LIPG: variants seen among roughly 807,000 people sequenced by gnomAD.
LIPG encodes lipase G, endothelial type.
Under a neutral mutation model 51.8 loss-of-function variants are expected in LIPG, and 34 were observed. The observed-to-expected ratio is 0.66, with a 90% confidence interval of 0.50 to 0.87. The LOEUF (loss-of-function observed/expected upper bound fraction) is 0.87, where lower values mean the gene tolerates loss of function less well. Ranked by LOEUF, LIPG falls within the 40% of genes least tolerant of loss-of-function variation. The probability of loss-of-function intolerance (pLI) is 0.00; values close to 1 mark genes in which losing one functional copy is unlikely to be tolerated. For missense variants in LIPG, 580 were observed against 652.7 expected (o/e 0.89, Z 1.21); for synonymous variants, 246 against 246.1 (o/e 1.00, Z 0.00).
At chr18:49,590,003 G>C (rs1461530352) in intron 9 of LIPG, 4 of 216,452 alleles carry the variant, frequency 1.8e-5, no homozygotes, top group Non-Finnish European at 3.7e-5. Context: ...CTGATAAGGA[G>C]CCTGAGATTC....
At chr18:49,588,838 G>A (rs569507944) in intron 9 of LIPG, among the ~76,000 whole-genome samples, 12 of 152,150 alleles carry the variant, frequency 7.9e-5, no homozygotes, top group Admixed American at 6.5e-4. Flanking sequence ...CATGCCTGTC[G>A]CCACCCTTTG....
intron 4 of LIPG, among the ~76,000 whole-genome samples, chr18:49,571,322 C>A (rs1431171494): frequency 1.3e-5 from 2 of 152,232 alleles, no homozygotes; most frequent in African/African-American, 4.8e-5. Context: ...GTAACGATGA[C>A]AAACTGCACA....
intron 4 of LIPG, among the ~76,000 whole-genome samples, chr18:49,573,623 T>A (rs2148850067): frequency 6.6e-6 from 1 of 152,000 alleles, no homozygotes; most frequent in Middle Eastern, 3.4e-3. Context: ...TTTTGGAAAC[T>A]ATTTAGCGTT....
At position 49,595,136 on chromosome 18, in the gene LIPG, A is replaced by T. The variant is rs1438628399; in HGVS notation, c.*4614A>T. Reference sequence around the variant, plus strand: ...AGGTGTCACCTCTGTGTTCAGAGCTACCCTGAGCCCTCTGCCATGTAAGCT... The same window carrying T: ...AGGTGTCACCTCTGTGTTCAGAGCTTCCCTGAGCCCTCTGCCATGTAAGCT... On this transcript the variant is annotated 3_prime_UTR_variant, in exon 10 of 10. Transcript: ENST00000261292. 6.6e-6 allele frequency: 1 copy of T among 152,162 alleles called. No homozygotes were observed. The highest frequency in any genetic ancestry group is 1.5e-5 in the Non-Finnish European group (1 of 68,030). 9.4% of individuals were successfully genotyped at this position (152,162 alleles called of 1,614,324 possible). A position where few individuals can be genotyped will look rare whatever the true frequency, so the allele number is the denominator to read the frequency against.
chr18:49,574,207 G>T (rs888488272), intron 4 of LIPG, among the ~76,000 whole-genome samples: 1 of 152,088 alleles, frequency 6.6e-6, no homozygotes, highest in Admixed American at 6.6e-5. Flanking sequence ...TAATCACTTG[G>T]GCTTGGTAAT....
rs966094188 is a variant in LIPG, at chr18:49,593,091, T to G, written c.*2569T>G. 1 of 152,050 alleles carries G rather than the reference T, an allele frequency of 6.6e-6. No homozygotes were observed. The highest frequency in any genetic ancestry group is 1.5e-5 in the Non-Finnish European group (1 of 68,020). 9.4% of individuals were successfully genotyped at this position (152,050 alleles called of 1,614,324 possible). ...GATTACAGAGATGCGTCACCATGTC[T>G]GGCTAATTTTTGTATTTTTAGTAGA... On this transcript the variant is annotated 3_prime_UTR_variant, in exon 10 of 10. Transcript: ENST00000261292.
At chr18:49,563,509 A>G (rs142809742) in intron 1 of LIPG, among the ~76,000 whole-genome samples, 1 of 152,128 alleles carries the variant, frequency 6.6e-6, no homozygotes, top group Admixed American at 6.5e-5. Flanking sequence ...AATAGATGGC[A>G]ATCTGTGCCC....
rs771103068 is a variant in LIPG at position 49,581,542 on chromosome 18, C to G, written c.921C>G (p.Ile307Met). The part of the protein sequence containing the change: ...CTDSNRFKKG[I>M]CLSCRKNRCN... Reference sequence around the variant, plus strand: ...ACTCCAATCGCTTCAAAAAGGGGATCTGTCTGAGCTGCCGCAAGAACCGTT... The same window carrying G: ...ACTCCAATCGCTTCAAAAAGGGGATGTGTCTGAGCTGCCGCAAGAACCGTT... Residue 307 changes from isoleucine (I) to methionine (M), a missense_variant, in exon 6 of 10, where the codon ATC (isoleucine) becomes ATG (methionine). Coordinates refer to ENST00000261292, the MANE Select transcript of LIPG (RefSeq NM_006033.4). 3.7e-6 allele frequency: 6 copies of G among 1,614,222 alleles called. No individual in the cohort carries two copies. The highest frequency in any genetic ancestry group is 5.1e-6 in the Non-Finnish European group (6 of 1,180,046).
chr18:49,561,893 G>A (rs754618615), upstream of LIPG: 10 of 1,285,290 alleles, frequency 7.8e-6, no homozygotes, highest in Non-Finnish European at 9.8e-6. Context: ...TCCACGCGGT[G>A]AGTGTGCAGC....
At chr18:49,568,079 GAGT>G (rs2084626107) in intron 3 of LIPG, among the ~76,000 whole-genome samples, 1 of 152,192 alleles carries the variant, frequency 6.6e-6, no homozygotes, top group Non-Finnish European at 1.5e-5. Flanking sequence ...GCCCAGGCTG[GAGT>G]ACAGTGGTGT....
At chr18:49,561,930 C>G (rs912023374), upstream of LIPG, 7 of 1,334,500 alleles carry the variant, frequency 5.2e-6, no homozygotes, top group African/African-American at 3.0e-5. Context: ...TCTCCAGTCT[C>G]GGTTCCGGCG....
intron 5 of LIPG, among the ~76,000 whole-genome samples, chr18:49,579,001 G>A (rs1250849999): frequency 3.1e-4 from 25 of 81,470 alleles, no homozygotes; most frequent in Non-Finnish European, 3.2e-4. Context: ...GGGAGACCGT[G>A]GGGAGAGGGA....
At chr18:49,581,960 G>T (rs1446209922) in intron 6 of LIPG, 2 of 589,258 alleles carry the variant, frequency 3.4e-6, no homozygotes, top group Non-Finnish European at 6.0e-6. Flanking sequence ...ATCATCACAA[G>T]AAACCTGAGG....
chr18:49,577,650 A>AC (rs1237835978), intron 5 of LIPG, among the ~76,000 whole-genome samples: 14 of 128,940 alleles, frequency 1.1e-4, no homozygotes, highest in African/African-American at 1.6e-4. Context: ...CAGGGGGCTG[A>AC]CCCCCCCACC....
intron 8 of LIPG, among the ~76,000 whole-genome samples, chr18:49,585,921 T>C (rs2143975083): frequency 6.6e-6 from 1 of 152,350 alleles, no homozygotes; most frequent in African/African-American, 2.4e-5. Context: ...GTCATGTTTT[T>C]ATATGTGTAT....
In LIPG at chr18:49,581,533, A is replaced by G. The variant is rs2084819762; in HGVS notation, c.912A>G (p.Lys304=). 3.1e-6 allele frequency: 5 copies of G among 1,614,076 alleles called. No individual in the cohort carries two copies. The highest frequency in any genetic ancestry group is 1.7e-5 in the Admixed American group (1 of 59,998). Residue 304 remains lysine (K), a synonymous_variant, in exon 6 of 10, where the codon AAA becomes AAG. Transcript: ENST00000261292. The part of the protein sequence containing the change: ...AFQCTDSNRF[K]KGICLSCRKN... ...AGTGCACTGACTCCAATCGCTTCAA[A>G]AAGGGGATCTGTCTGAGCTGCCGCA...
rs1016078207 is a variant in LIPG, at chr18:49,596,250, T to C, written c.*5728T>C. 1.3e-5 allele frequency: 2 copies of C among 151,924 alleles called. No individual in the cohort carries two copies. Among genetic ancestry groups the C allele is most frequent in the African/African-American group, 4.8e-5 (2 of 41,348 alleles). The allele number at this position is 151,924 out of a possible 1,614,324, so 9.4% of individuals were successfully genotyped here. On this transcript the variant is annotated 3_prime_UTR_variant, in exon 10 of 10. Transcript: ENST00000261292. ...ATGAAATATAAATTCAAAACCTGTA[T>C]AAAAACTGAAAAAATGTAAAACGTC...
Position 49,567,576 on chromosome 18 carries a change from C to T in LIPG, c.414C>T (p.Thr138=), listed in dbSNP as rs747894852. The T allele has an allele frequency of 1.2e-6, 2 of 1,614,090 alleles. No homozygotes were observed. Among genetic ancestry groups the T allele is most frequent in the Admixed American group, 1.7e-5 (1 of 60,012 alleles). Residue 138 remains threonine, a synonymous_variant, in exon 3 of 10, where the codon ACC becomes ACT. Transcript: ENST00000261292. ...HQLYTDAVNN[T]RVVGHSIARM... ...TTTACACGGATGCGGTCAATAATAC[C>T]AGGGTGGTGGGACACAGCATTGCCA...
chr18:49,578,588 A>G (rs1336559465), intron 5 of LIPG, among the ~76,000 whole-genome samples: 1 of 142,376 alleles, frequency 7.0e-6, no homozygotes, highest in African/African-American at 2.7e-5. Context: ...ATGGGCGGCC[A>G]GGCGGAGACA....
Sources: gnomAD v4.1 joint callset for allele counts (sites outside exome capture counted in the v4.1 genomes callset) on GRCh38, gnomAD v4.1.1 for gene constraint, MANE v1.5 for transcripts, NCBI Gene and HGNC (gene_info 2026-07-23, HGNC 2026-07-21) for gene names.